Variants in FYB1 observed in about 807,000 individuals in gnomAD.
FYB1 encodes FYN binding protein 1, also known as FYN-binding protein 1.
A neutral mutation model predicts 94.1 loss-of-function variants in FYB1; 41 were observed. The ratio of observed to expected loss-of-function variants is 0.44; its 90% CI spans 0.34 to 0.57. The LOEUF is 0.57. FYB1 is among the 20% of genes least tolerant of loss of function. The probability of loss-of-function intolerance (pLI) is 0.02; values close to 1 mark genes in which losing one functional copy is unlikely to be tolerated. For missense variants in FYB1, 1,050 were observed against 976.8 expected, an observed-to-expected ratio of 1.07 and a Z score of -1.00; for synonymous variants, 367 against 353.2, an observed-to-expected ratio of 1.04 and a Z score of -0.44.
intron 17 of FYB1, among the ~76,000 whole-genome samples, chr5:39,108,695 C>A (rs1011308551): frequency 6.6e-6 from 1 of 152,004 alleles, no homozygotes; most frequent in Non-Finnish European, 1.5e-5. Context: ...ATGGTTGCAT[C>A]ATTTTCACAT....
intron 2 of FYB1, among the ~76,000 whole-genome samples, chr5:39,186,506 CAG>C (rs1273241148): frequency 6.6e-6 from 1 of 151,990 alleles, no homozygotes; most frequent in Non-Finnish European, 1.5e-5. Context: ...CCTAAGGAAA[CAG>C]AGTAATACAG....
At chr5:39,205,864 A>T (rs937022209) in intron 1 of FYB1, among the ~76,000 whole-genome samples, 1 of 152,236 alleles carries the variant, frequency 6.6e-6, no homozygotes, top group Non-Finnish European at 1.5e-5. Flanking sequence ...GAATAATAAC[A>T]GTACCTATAG....
intron 2 of FYB1, chr5:39,169,066 C>T (rs887385876): frequency 5.6e-5 from 31 of 554,452 alleles, no homozygotes; most frequent in Non-Finnish European, 9.7e-5. Flanking sequence ...TAGCAGAATA[C>T]TTGCATAATA....
At chr5:39,212,000 TA>T (rs1200555680) in intron 1 of FYB1, among the ~76,000 whole-genome samples, 2 of 152,148 alleles carry the variant, frequency 1.3e-5, no homozygotes, top group Non-Finnish European at 2.9e-5. Flanking sequence ...CTCAACGAGC[TA>T]ACCAAGACAG....
chr5:39,200,309 G>A (rs1335810901), intron 2 of FYB1, among the ~76,000 whole-genome samples: 3 of 152,144 alleles, frequency 2.0e-5, no homozygotes, highest in African/African-American at 7.2e-5. Context: ...ACTGAAAAGC[G>A]TGACACCGGG....
chr5:39,118,932 T>C lies in FYB1; in HGVS notation c.2343A>G (p.Leu781=), dbSNP rs1258834590. 6.4e-7 allele frequency: 1 copy of C among 1,572,752 alleles called. No homozygotes were observed. The highest frequency in any genetic ancestry group is 8.7e-7 in the Non-Finnish European group (1 of 1,155,864). The part of the protein sequence containing the change: ...RDLQVKPGES[L]EVIQTTDDTK... ...TGTCATCTGTGGTTTGTATAACTTC[T>C]AGAGATTCACCAGGTTTTACCTGTA... is the stretch of plus-strand genomic sequence containing the variant. The change falls in exon 16 of 19, where the codon CTA becomes CTG. Residue 781 remains leucine, a synonymous_variant. Coordinates refer to ENST00000512982, the MANE Select transcript of FYB1 (RefSeq NM_001465.6).
intron 16 of FYB1, chr5:39,110,771 G>A: frequency 8.6e-6 from 3 of 348,240 alleles, no homozygotes; most frequent in Admixed American, 4.4e-5. Flanking sequence ...TTATTGGTAA[G>A]TATTTTAAAT....
In FYB1 at chr5:39,260,099, T is replaced by C. The variant is rs117501304; in HGVS notation, c.-28+14304A>G. Among the ~76,000 whole-genome samples the C allele has an allele frequency of 8.3e-4, 126 of 152,226 alleles. No homozygotes were observed. The East Asian group carries it at 0.021, about 26-fold the overall frequency. ...GAAGAGCAATTAAAATCATGGAGGA[T>C]AGGTGATCAGAGACTAGCTTTAATA... On this transcript the variant is annotated intron_variant, in intron 1 of 1. Transcript: ENST00000510188.
rs185896241 is a variant in FYB1 at position 39,136,733 on chromosome 5, T to C, written c.1515+867A>G. Among the ~76,000 whole-genome samples the C allele has an allele frequency of 6.4e-4, 98 of 152,350 alleles. 2 individuals carry two copies. The highest frequency in any genetic ancestry group is 5.9e-3 in the Admixed American group (90 of 15,304). ...GATGCTATACATTTTCCTTGCACCATGCATTGAACCTTTGCTTTAATGCAA... is the reference window on the plus strand; with the variant it reads ...GATGCTATACATTTTCCTTGCACCACGCATTGAACCTTTGCTTTAATGCAA... On this transcript the variant is annotated intron_variant, in intron 7 of 18. Coordinates refer to ENST00000512982, the MANE Select transcript of FYB1 (RefSeq NM_001465.6).
At chr5:39,172,222 G>A (rs1283373191) in intron 2 of FYB1, among the ~76,000 whole-genome samples, 1 of 152,116 alleles carries the variant, frequency 6.6e-6, no homozygotes, top group Non-Finnish European at 1.5e-5. Context: ...GAGGCAGGTG[G>A]ATCACTTGAG....
chr5:39,273,832 T>C (rs1476392821), intron 1 of FYB1, among the ~76,000 whole-genome samples: 2 of 152,120 alleles, frequency 1.3e-5, no homozygotes, highest in Non-Finnish European at 2.9e-5. Flanking sequence ...TTTAAACTCA[T>C]CTTGCAAGTA....
intron 17 of FYB1, among the ~76,000 whole-genome samples, chr5:39,108,843 A>C (rs1211321100): frequency 1.3e-5 from 2 of 152,246 alleles, no homozygotes; most frequent in East Asian, 1.9e-4. Context: ...CATCCATAAT[A>C]GTAATTTTGG....
chr5:39,207,056 C>T (rs1412797093), intron 1 of FYB1, among the ~76,000 whole-genome samples: 1 of 152,068 alleles, frequency 6.6e-6, no homozygotes, highest in African/African-American at 2.4e-5. Flanking sequence ...ATTTGCAGAA[C>T]CTTTTTAACT....
At position 39,105,661 on chromosome 5, in the gene FYB1, T is replaced by G. The variant is rs1469336702; in HGVS notation, c.*1782A>C. 1 of 152,180 alleles carries G rather than the reference T, an allele frequency of 6.6e-6. No individual in the cohort carries two copies. The highest frequency in any genetic ancestry group is 6.6e-5 in the Admixed American group (1 of 15,260). 9.4% of individuals were successfully genotyped at this position (152,180 alleles called of 1,614,324 possible). On this transcript the variant is annotated 3_prime_UTR_variant, in exon 19 of 19. Transcript: ENST00000512982. ...CTAAAGCTGGCCAAAAACTTCAGCA[T>G]AAAAACTATCCTGTCTGTGTATTAT... is the stretch of plus-strand genomic sequence containing the variant.
intron 1 of FYB1, chr5:39,270,853 TAGA>T (rs1258603780): frequency 7.7e-6 from 3 of 392,088 alleles, no homozygotes; most frequent in East Asian, 3.8e-5. Context: ...CAAAATTTTT[TAGA>T]AGTACCTAGA....
intron 2 of FYB1, among the ~76,000 whole-genome samples, chr5:39,185,284 T>C (rs1746643643): frequency 6.6e-6 from 1 of 152,096 alleles, no homozygotes. Flanking sequence ...CTGAGGATGA[T>C]TGAATTTTTC....
chr5:39,120,956 A>G (rs903909490), intron 14 of FYB1, among the ~76,000 whole-genome samples: 1 of 152,084 alleles, frequency 6.6e-6, no homozygotes, highest in Non-Finnish European at 1.5e-5. Flanking sequence ...AATGCCCTAC[A>G]AGCTATCTTT....
intron 3 of FYB1, among the ~76,000 whole-genome samples, chr5:39,146,001 C>T (rs1453477138): frequency 6.6e-6 from 1 of 151,578 alleles, no homozygotes; most frequent in Admixed American, 6.6e-5. Context: ...CAACTTCTGT[C>T]TCCCGGGTTC....
At chr5:39,155,952 A>G (rs998739140) in intron 2 of FYB1, among the ~76,000 whole-genome samples, 1 of 152,188 alleles carries the variant, frequency 6.6e-6, no homozygotes, top group African/African-American at 2.4e-5. Context: ...AATATGGTTC[A>G]GTAGATTCAT....
Sources: gnomAD v4.1 joint callset for allele counts (sites outside exome capture counted in the v4.1 genomes callset) on GRCh38, gnomAD v4.1.1 for gene constraint, MANE v1.5 for transcripts, NCBI Gene and HGNC (gene_info 2026-07-23, HGNC 2026-07-21) for gene names.